Variants in XPO5 observed in about 807,000 individuals in gnomAD.
The protein encoded by XPO5 is exportin 5.
XPO5 carries 46 observed loss-of-function variants against 160.6 expected under a neutral mutation model. That is an observed-to-expected ratio of 0.29 (90% CI 0.23 to 0.37). XPO5 has a LOEUF of 0.37. Among genes scored for constraint, XPO5 ranks in the 10% least tolerant of loss-of-function variants. The pLI, the probability that XPO5 is intolerant of heterozygous loss-of-function variation, is 1.00. For synonymous variants in XPO5, 537 were observed against 519.3 expected (o/e 1.03, Z -0.46); for missense variants, 1,090 against 1,463.9 (o/e 0.74, Z 4.17).
chr6:43,526,743 A>G lies in XPO5; in HGVS notation c.2925T>C (p.Val975=), dbSNP rs1271200059. ...CAGCACCCTTCTTTGAAACACAGCA[A>G]ACCGCTAAAGCAAGAAAGCAGGGTT... ...LTREVMDLIT[V]CCVSKKGADH... Residue 975 remains valine, a synonymous_variant, in exon 27 of 32, where the codon GTT becomes GTC. Transcript: ENST00000265351. 8 of 1,613,810 alleles carry G rather than the reference A, an allele frequency of 5.0e-6. No homozygotes were observed. The highest frequency in any genetic ancestry group is 6.8e-6 in the Non-Finnish European group (8 of 1,179,820).
In XPO5 at chr6:43,523,926, A is replaced by G; in HGVS notation, c.3557T>C (p.Leu1186Pro). 2 of 1,614,052 alleles carry G rather than the reference A, an allele frequency of 1.2e-6. No homozygotes were observed. Among genetic ancestry groups the G allele is most frequent in the Admixed American group, 1.7e-5 (1 of 60,030 alleles). ...ATCATTGTCCAGCACCTCCGTCTCC[A>G]GCATTGGCTTTGTTTTTTTGAAAAG... Reference protein sequence around the residue: ...PSLFKKTKPMLETEVLDNDGG... With the variant: ...PSLFKKTKPMPETEVLDNDGG... The change falls in exon 32 of 32, where the codon CTG (leucine) becomes CCG (proline). Residue 1186 changes from leucine to proline, a missense_variant. Around this residue, in one of 3 missense-constraint regions of XPO5, gnomAD observed 810 missense variants for 1,139.0 expected, o/e 0.71. Transcript: ENST00000265351.
At position 43,570,410 on chromosome 6, in the gene XPO5, G is replaced by T. The variant is rs1582248303; in HGVS notation, c.621+92C>A. ...TGCTTATAAAATAGGATTTCATTTT[G>T]CTGACCTAGACACCCTAGTTCCTTA... On this transcript the variant is annotated intron_variant, in intron 5 of 31. Coordinates refer to ENST00000265351, the MANE Select transcript of XPO5 (RefSeq NM_020750.3). 2.1e-5 allele frequency: 22 copies of T among 1,050,672 alleles called. No individual in the cohort carries two copies. In the South Asian group the frequency reaches 3.2e-4, roughly 15 times the overall value. 65.1% of individuals were successfully genotyped at this position (1,050,672 alleles called of 1,614,324 possible).
rs1421239780 is a variant in XPO5, at chr6:43,543,401, C to T, written c.2342+3170G>A. Among the ~76,000 whole-genome samples, 5 of 152,066 alleles carry T rather than the reference C, an allele frequency of 3.3e-5. No homozygotes were observed. The South Asian group carries it at 8.3e-4, about 25-fold the overall frequency. On this transcript the variant is annotated intron_variant, in intron 20 of 31. Transcript: ENST00000265351. ...CCATGAGGTCGAGGCTGCAGTGAGC[C>T]GTGATCGCAACACTGCACCCCAACC...
intron 20 of XPO5, among the ~76,000 whole-genome samples, chr6:43,540,932 G>A (rs78876397): frequency 2.0e-5 from 3 of 150,230 alleles, no homozygotes; most frequent in Non-Finnish European, 4.4e-5. Context: ...AAAAAAAAAA[G>A]AGATCTTGTC....
chr6:43,555,938 T>A lies in XPO5; in HGVS notation c.1339A>T (p.Met447Leu). The change falls in exon 13 of 32, where the codon ATG becomes TTG. Residue 447 changes from methionine (M) to leucine (L), a missense_variant. This residue lies in a region of XPO5 where 810 missense variants were observed against 1,139.0 expected (regional missense o/e 0.71). Transcript: ENST00000265351. ...GGATCCAAACGACATGCCAACCTCA[T>A]CACCTCTCCTTGTTGTGCTCGGGAG... is the stretch of plus-strand genomic sequence containing the variant. Reference protein sequence around the residue: ...NSSRAQQGEVMRLACRLDPKT... With the variant: ...NSSRAQQGEVLRLACRLDPKT... The A allele has an allele frequency of 6.2e-7, 1 of 1,613,912 alleles. No individual in the cohort carries two copies. Among genetic ancestry groups the A allele is most frequent in the East Asian group, 2.2e-5 (1 of 44,876 alleles).
chr6:43,530,325 G>A (rs949050591), intron 23 of XPO5, among the ~76,000 whole-genome samples: 1 of 151,998 alleles, frequency 6.6e-6, no homozygotes, highest in African/African-American at 2.4e-5. Context: ...TTAGGAGGCT[G>A]AGGCACAAGA....
chr6:43,561,054 G>T, intron 9 of XPO5, 47 bp from the exon 10 acceptor site: 1 of 1,474,428 alleles, frequency 6.8e-7, no homozygotes, highest in Non-Finnish European at 9.4e-7. Context: ...GAGAAAAGCA[G>T]GAGAGGAAAA....
chr6:43,530,462 G>A (rs891144913), intron 23 of XPO5, among the ~76,000 whole-genome samples: 2 of 152,028 alleles, frequency 1.3e-5, no homozygotes, highest in African/African-American at 4.8e-5. Flanking sequence ...ATTCCGAGAA[G>A]GGGGAAGGTA....
In XPO5 at chr6:43,540,127, C is replaced by T. The variant is rs181578412; in HGVS notation, c.2343-6120G>A. On this transcript the variant is annotated intron_variant, in intron 20 of 31. Coordinates refer to ENST00000265351, the MANE Select transcript of XPO5 (RefSeq NM_020750.3). The stretch of plus-strand genomic sequence containing the variant: ...AAAATTAGCTGGGCATGGTGGCGCA[C>T]GCCTGTAACCCCAGTACTTTGAGAG... Among the ~76,000 whole-genome samples the T allele has an allele frequency of 2.0e-3, 303 of 152,190 alleles. 2 individuals carry two copies. Among genetic ancestry groups the T allele is most frequent in the African/African-American group, 6.8e-3 (284 of 41,516 alleles).
At chr6:43,529,927 A>AAAAAAAAT (rs58315355) in intron 23 of XPO5, among the ~76,000 whole-genome samples, 1 of 150,476 alleles carries the variant, frequency 6.6e-6, no homozygotes, top group Non-Finnish European at 1.5e-5. Flanking sequence ...AAAAAAAAAA[A>AAAAAAAAT]GTGCTTCTAA....
intron 10 of XPO5, 124 bp from the exon 11 acceptor site, chr6:43,560,427 T>C: frequency 8.2e-7 from 1 of 1,223,804 alleles, no homozygotes; most frequent in Non-Finnish European, 1.1e-6. Flanking sequence ...TGAAGCTGTC[T>C]CTACTGCAAT....
intron 20 of XPO5, among the ~76,000 whole-genome samples, chr6:43,545,711 A>AAAAC (rs1196490468): frequency 7.0e-6 from 1 of 142,516 alleles, no homozygotes; most frequent in Non-Finnish European, 1.5e-5. Context: ...CTGTCTCAAA[A>AAAAC]AAACAAACAA....
chr6:43,558,448 A>G, intron 12 of XPO5, 53 bp downstream of exon 12: 1 of 1,467,338 alleles, frequency 6.8e-7, no homozygotes. Context: ...GATTCATAAT[A>G]CTAGATGCCA....
intron 21 of XPO5, among the ~76,000 whole-genome samples, chr6:43,532,283 CAG>C (rs1794034748): frequency 6.6e-6 from 1 of 152,180 alleles, no homozygotes; most frequent in African/African-American, 2.4e-5. Context: ...TAGGCTGAAA[CAG>C]ACAGACATGA....
intron 1 of XPO5, 85 bp downstream of exon 1, chr6:43,575,675 A>C (rs947335425): frequency 8.0e-7 from 1 of 1,248,816 alleles, no homozygotes; most frequent in African/African-American, 1.5e-5. Flanking sequence ...TGGGCGGGAG[A>C]CTACCCCAGT....
At position 43,553,445 on chromosome 6, in the gene XPO5, G is replaced by A. The variant is rs772506045; in HGVS notation, c.1500C>T (p.Phe500=). ...GSLCSVFSPS[F]VQWEAMTLFL... ...AAAGAGTCATGGCTTCCCACTGCAC[G>A]AATGAAGGTGAGAAGACGGAACAGA... The change falls in exon 14 of 32, where the codon TTC becomes TTT. Residue 500 remains phenylalanine, a synonymous_variant. Transcript: ENST00000265351. 9 of 1,592,938 alleles carry A rather than the reference G, an allele frequency of 5.6e-6. No individual in the cohort carries two copies. Among genetic ancestry groups the A allele is most frequent in the South Asian group, 3.4e-5 (3 of 87,500 alleles).
rs1240241022 is a variant in XPO5 at position 43,526,702 on chromosome 6, G to A, written c.2966C>T (p.Pro989Leu). The A allele has an allele frequency of 1.2e-6, 2 of 1,613,922 alleles. No individual in the cohort carries two copies. Among genetic ancestry groups the A allele is most frequent in the East Asian group, 2.2e-5 (1 of 44,890 alleles). The change falls in exon 27 of 32, where the codon CCC becomes CTC. Residue 989 changes from proline (P) to leucine (L), a missense_variant. Physicochemically the swap from Pro to Leu is moderately conservative, Grantham distance 98. Transcript: ENST00000265351. ...SKKGADHSSA[P>L]PADGDDEEMM... ...TCACTTACCGTCTCCATCTGCTGGG[G>A]GAGCACTACTGTGGTCAGCACCCTT...
chr6:43,546,421 T>A lies in XPO5; in HGVS notation c.2342+150A>T, dbSNP rs1419478049. 4 of 730,244 alleles carry A rather than the reference T, an allele frequency of 5.5e-6. No individual in the cohort carries two copies. The African/African-American group carries it at 5.5e-5, about 10-fold the overall frequency. The allele number at this position is 730,244 out of a possible 1,614,324, so 45.2% of individuals were successfully genotyped here. A position where few individuals can be genotyped will look rare whatever the true frequency, so the allele number is the denominator to read the frequency against. On this transcript the variant is annotated intron_variant, in intron 20 of 31. Transcript: ENST00000265351. ...AAGTGAGAGCTGATGTTATTTTTTTTAAAACTGAGACACCCTCTAGAAAGA... is the reference window on the plus strand; with the variant it reads ...AAGTGAGAGCTGATGTTATTTTTTTAAAAACTGAGACACCCTCTAGAAAGA...
intron 20 of XPO5, among the ~76,000 whole-genome samples, chr6:43,534,310 C>T (rs1794180418): frequency 6.6e-6 from 1 of 152,144 alleles, no homozygotes; most frequent in Non-Finnish European, 1.5e-5. Context: ...GAGGTGGTCC[C>T]AGGAGTTTTT....
Sources: allele counts gnomAD v4.1 joint callset (sites outside exome capture counted in the v4.1 genomes callset), GRCh38; gene constraint gnomAD v4.1.1; regional missense constraint gnomAD v4.1.1; transcripts MANE v1.5; gene names NCBI Gene and HGNC (gene_info 2026-07-23, HGNC 2026-07-21).